The following TOX2 variants were observed in gnomAD, a reference collection of about 807,000 sequenced individuals.
TOX2 encodes granulosa cell HMG box 1.
A neutral mutation model predicts 47.4 loss-of-function variants in TOX2; 15 were observed. The ratio of observed to expected loss-of-function variants is 0.32; its 90% confidence interval spans 0.21 to 0.49. TOX2 has a LOEUF of 0.49. TOX2 is among the 20% of genes least tolerant of loss of function. TOX2 has a pLI of 0.99. For missense variants in TOX2, 622 were observed against 673.1 expected, an observed-to-expected ratio of 0.92 and a Z score of 0.84; for synonymous variants, 290 against 296.6, an observed-to-expected ratio of 0.98 and a Z score of 0.23.
Position 43,962,341 on chromosome 20 carries a change from C to G in TOX2, c.100-11026C>G, listed in dbSNP as rs965697101. On this transcript the variant is annotated intron_variant, in intron 1 of 8. Coordinates refer to ENST00000341197, the MANE Select transcript of TOX2 (RefSeq NM_001098797.2). ...CTGGTGGTCCTGGGGGCAGAGCTGCCCTAGGTTGGAGCTGGAGTTCCTGCC... is the reference window on the plus strand; with the variant it reads ...CTGGTGGTCCTGGGGGCAGAGCTGCGCTAGGTTGGAGCTGGAGTTCCTGCC... Among the ~76,000 whole-genome samples, 11 of 152,174 alleles carry G rather than the reference C, an allele frequency of 7.2e-5. 1 individual carries two copies. Among genetic ancestry groups the G allele is most frequent in the Admixed American group, 6.5e-4 (10 of 15,282 alleles).
chr20:44,003,635 G>A (rs1406874062), intron 2 of TOX2, among the ~76,000 whole-genome samples: 1 of 152,158 alleles, frequency 6.6e-6, no homozygotes, highest in Non-Finnish European at 1.5e-5. Context: ...GAAAAATTCT[G>A]GGCAATCTTG....
chr20:43,980,735 T>C (rs987697890), intron 2 of TOX2, among the ~76,000 whole-genome samples: 1 of 152,152 alleles, frequency 6.6e-6, no homozygotes, highest in Non-Finnish European at 1.5e-5. Context: ...AAACAAACCT[T>C]AAGGTATACT....
intron 1 of TOX2, among the ~76,000 whole-genome samples, chr20:43,952,043 T>C (rs2069584054): frequency 6.6e-6 from 1 of 151,586 alleles, no homozygotes; most frequent in Non-Finnish European, 1.5e-5. Context: ...ACTACAGGCA[T>C]GTGCCACCAC....
intron 5 of TOX2, among the ~76,000 whole-genome samples, chr20:44,060,946 A>AAAGAT (rs1303996920): frequency 6.6e-6 from 1 of 151,996 alleles, no homozygotes; most frequent in Non-Finnish European, 1.5e-5. Context: ...AAAAAATACA[A>AAAGAT]AAGATAAACA....
chr20:43,949,019 T>C (rs1016833714), intron 1 of TOX2, among the ~76,000 whole-genome samples: 10 of 152,134 alleles, frequency 6.6e-5, no homozygotes, highest in African/African-American at 2.2e-4. Context: ...GGGGGATTGG[T>C]GTAGAAAGGC....
At position 43,988,014 on chromosome 20, in the gene TOX2, G is replaced by A. The variant is rs577049221; in HGVS notation, c.165+14582G>A. On this transcript the variant is annotated intron_variant, in intron 2 of 8. Transcript: ENST00000341197. ...GGCTCACTGCAACCTCCACCTCCCC[G>A]GTTCAAGTGAGTCTCCTGCCTCAGC... Among the ~76,000 whole-genome samples the A allele has an allele frequency of 8.2e-5, 11 of 134,892 alleles. No homozygotes were observed. In the East Asian group the frequency reaches 1.6e-3, roughly 19 times the overall value. 88.5% of individuals were successfully genotyped at this position (134,892 alleles called of 152,430 possible).
chr20:44,036,588 C>T (rs1161951420), intron 3 of TOX2, among the ~76,000 whole-genome samples: 1 of 152,270 alleles, frequency 6.6e-6, no homozygotes, highest in Non-Finnish European at 1.5e-5. Context: ...CTACTTACCA[C>T]ACTCCACTAC....
At position 43,951,508 on chromosome 20, in the gene TOX2, C is replaced by T. The variant is rs971344910; in HGVS notation, c.100-21859C>T. Among the ~76,000 whole-genome samples the T allele has an allele frequency of 6.6e-5, 10 of 151,968 alleles. No homozygotes were observed. The South Asian group carries it at 1.5e-3, about 22-fold the overall frequency. ...AGGAGAATCACTCGAACCCAGGAGGCGGAGGTTGCAGTGAGCTGAGATCGT... is the reference window on the plus strand; with the variant it reads ...AGGAGAATCACTCGAACCCAGGAGGTGGAGGTTGCAGTGAGCTGAGATCGT... On this transcript the variant is annotated intron_variant, in intron 1 of 8. Transcript: ENST00000341197.
At chr20:44,065,605 C>G (rs2071799448) in intron 6 of TOX2, 107 bp from the exon 7 acceptor site, 1 of 1,363,170 alleles carries the variant, frequency 7.3e-7, no homozygotes, top group East Asian at 2.3e-5. Context: ...CCCAAGACAG[C>G]CAGCCAGCAG....
At chr20:43,961,089 C>G (rs74503842) in intron 1 of TOX2, among the ~76,000 whole-genome samples, 2 of 152,340 alleles carry the variant, frequency 1.3e-5, no homozygotes, top group African/African-American at 4.8e-5. Flanking sequence ...TATTATGGCG[C>G]TAGGGTCCAA....
Position 44,065,827 on chromosome 20 carries a change from C to T in TOX2, c.1076C>T (p.Ser359Leu), listed in dbSNP as rs745712308. 6.8e-6 allele frequency: 11 copies of T among 1,613,810 alleles called. No homozygotes were observed. Among genetic ancestry groups the T allele is most frequent in the South Asian group, 4.4e-5 (4 of 91,076 alleles). Residue 359 changes from serine to leucine, a missense_variant, in exon 7 of 9, where the codon TCG (serine) becomes TTG (leucine). Physicochemically the swap from Ser to Leu is moderately radical, Grantham distance 145. This residue lies in a region of TOX2 where 294 missense variants were observed against 300.0 expected (regional missense o/e 0.98). Coordinates refer to ENST00000341197, the MANE Select transcript of TOX2 (RefSeq NM_001098797.2). ...MPGLASFLTP[S>L]DLQAFRSGAS... ...GGCCTGGCCTCCTTCCTGACGCCGT[C>T]GGACCTGCAGGCCTTCCGCAGTGGG...
chr20:43,932,364 G>A (rs1354331375), intron 1 of TOX2, among the ~76,000 whole-genome samples: 1 of 152,176 alleles, frequency 6.6e-6, no homozygotes, highest in Non-Finnish European at 1.5e-5. Flanking sequence ...GGACTTATAT[G>A]TATATTAATG....
At chr20:43,940,522 C>T (rs2069389475) in intron 1 of TOX2, among the ~76,000 whole-genome samples, 1 of 143,896 alleles carries the variant, frequency 6.9e-6, no homozygotes, top group Non-Finnish European at 1.5e-5. Flanking sequence ...TCGCACCTGG[C>T]AACTTTTTTT....
chr20:44,027,470 C>T (rs1249874227), intron 3 of TOX2, among the ~76,000 whole-genome samples: 4 of 152,336 alleles, frequency 2.6e-5, no homozygotes, highest in East Asian at 1.9e-4. Context: ...TAGGCCTCTC[C>T]GCCATAGCCT....
chr20:43,976,775 C>CGT (rs1234749135), intron 2 of TOX2, among the ~76,000 whole-genome samples: 5 of 134,738 alleles, frequency 3.7e-5, no homozygotes, highest in South Asian at 4.8e-4. Context: ...ACAACGCGAG[C>CGT]GCGCGCGCAC....
intron 3 of TOX2, 151 bp downstream of exon 3, chr20:44,006,943 C>T: frequency 8.7e-7 from 1 of 1,148,962 alleles, no homozygotes; most frequent in African/African-American, 1.6e-5. Flanking sequence ...TAATCCCATG[C>T]TGGGATTACC....
chr20:43,995,012 G>T (rs994943733), intron 2 of TOX2, among the ~76,000 whole-genome samples: 2 of 152,030 alleles, frequency 1.3e-5, no homozygotes, highest in African/African-American at 4.8e-5. Flanking sequence ...GCTGAGAAAA[G>T]ATATTACATT....
chr20:44,014,247 T>C (rs981963080), intron 3 of TOX2, among the ~76,000 whole-genome samples: 2 of 150,444 alleles, frequency 1.3e-5, no homozygotes, highest in Non-Finnish European at 2.9e-5. Context: ...TACACCCCAA[T>C]GTGCAGTACT....
chr20:44,036,275 G>GTGAGAGCACAC (rs2071237757), intron 3 of TOX2, among the ~76,000 whole-genome samples: 2 of 152,250 alleles, frequency 1.3e-5, no homozygotes, highest in South Asian at 4.1e-4. Context: ...GCTTGGCCAA[G>GTGAGAGCACAC]TGAGAGCACA....
Sources: allele counts gnomAD v4.1 joint callset (sites outside exome capture counted in the v4.1 genomes callset), GRCh38; gene constraint gnomAD v4.1.1; regional missense constraint gnomAD v4.1.1; transcripts MANE v1.5; gene names NCBI Gene and HGNC (gene_info 2026-07-23, HGNC 2026-07-21).